The following RBFOX3 variants were observed in gnomAD, a reference collection of about 807,000 sequenced individuals.
RBFOX3 encodes RNA binding protein fox-1 homolog 3.
RBFOX3 carries 17 observed loss-of-function variants against 48.7 expected under a neutral mutation model. The observed-to-expected ratio is 0.35, with a 90% CI of 0.24 to 0.52. The LOEUF (loss-of-function observed/expected upper bound fraction) is 0.52. RBFOX3 is among the 20% of genes least tolerant of loss of function. RBFOX3 has a pLI of 0.94. For synonymous variants in RBFOX3, 212 were observed against 209.5 expected, an observed-to-expected ratio of 1.01 and a Z score of -0.10; for missense variants, 382 against 497.5, an observed-to-expected ratio of 0.77 and a Z score of 2.21.
At chr17:79,232,698 CG>C (rs965907713) in intron 4 of RBFOX3, among the ~76,000 whole-genome samples, 1 of 128,212 alleles carries the variant, frequency 7.8e-6, no homozygotes, top group African/African-American at 2.6e-5. Context: ...AAAGCATAGG[CG>C]AAAAAAAATC....
chr17:79,613,765 G>A (rs2145594030), upstream of RBFOX3, among the ~76,000 whole-genome samples: 1 of 152,320 alleles, frequency 6.6e-6, no homozygotes, highest in Admixed American at 6.5e-5. Context: ...CCTGAGGTCA[G>A]GAGTTCGAGA....
At chr17:79,553,877 C>T (rs1054425677) in intron 1 of RBFOX3, among the ~76,000 whole-genome samples, 4 of 152,074 alleles carry the variant, frequency 2.6e-5, no homozygotes, top group Non-Finnish European at 5.9e-5. Flanking sequence ...GGATTATAGG[C>T]ACCCACCACC....
chr17:79,567,180 CTTTTTTTTTTTT>C (rs1159762873), intron 1 of RBFOX3, among the ~76,000 whole-genome samples: 1 of 92,076 alleles, frequency 1.1e-5, no homozygotes, highest in Non-Finnish European at 2.0e-5. Flanking sequence ...TTCTTTCTTT[CTTTTTTTTTTTT>C]TTTTTTTTTG....
At position 79,101,772 on chromosome 17, in the gene RBFOX3, T is replaced by C. The variant is rs193123930; in HGVS notation, c.508-128A>G. 811 of 825,258 alleles carry C rather than the reference T, an allele frequency of 9.8e-4. 1 individual carries two copies. The highest frequency in any genetic ancestry group is 1.4e-3 in the Non-Finnish European group (685 of 499,830). 51.1% of individuals were successfully genotyped at this position (825,258 alleles called of 1,614,324 possible). Reference sequence around the variant, plus strand: ...CCGCCCCAGCCTCCTCTCTCCACCATGCTGCCTGCCCTCCGGGAGCCTTGG... The same window carrying C: ...CCGCCCCAGCCTCCTCTCTCCACCACGCTGCCTGCCCTCCGGGAGCCTTGG... On this transcript the variant is annotated intron_variant, in intron 8 of 14. Transcript: ENST00000693108.
chr17:79,468,767 G>GGATA (rs1179822915), intron 2 of RBFOX3, among the ~76,000 whole-genome samples: 21 of 149,836 alleles, frequency 1.4e-4, no homozygotes, highest in South Asian at 2.1e-4. Context: ...ATGGATGGAT[G>GGATA]GATAGATAGA....
chr17:79,136,800 C>G (rs2040313264), intron 4 of RBFOX3, among the ~76,000 whole-genome samples: 1 of 152,200 alleles, frequency 6.6e-6, no homozygotes, highest in Admixed American at 6.5e-5. Flanking sequence ...GCCTGCTCTG[C>G]TCCCATCAAT....
chr17:79,524,721 C>T (rs1271542627), intron 1 of RBFOX3, among the ~76,000 whole-genome samples: 6 of 152,226 alleles, frequency 3.9e-5, no homozygotes, highest in Non-Finnish European at 7.3e-5. Flanking sequence ...GGCACTGCAT[C>T]TTCCAGCACA....
chr17:79,091,316 A>C (rs943776545), intron 14 of RBFOX3, among the ~76,000 whole-genome samples: 1 of 152,236 alleles, frequency 6.6e-6, no homozygotes, highest in Non-Finnish European at 1.5e-5. Flanking sequence ...TTCCAGCCCC[A>C]GGAGCCCAGC....
At chr17:79,229,394 T>A (rs887818587) in intron 4 of RBFOX3, among the ~76,000 whole-genome samples, 2 of 146,278 alleles carry the variant, frequency 1.4e-5, no homozygotes, top group African/African-American at 4.9e-5. Context: ...CCATCTCTAC[T>A]AAAAATACAA....
At chr17:79,502,097 A>C (rs2082454089) in intron 1 of RBFOX3, among the ~76,000 whole-genome samples, 3 of 151,846 alleles carry the variant, frequency 2.0e-5, no homozygotes, top group Non-Finnish European at 2.9e-5. Flanking sequence ...GCCTTGATAT[A>C]AGCCTCAATG....
intron 3 of RBFOX3, among the ~76,000 whole-genome samples, chr17:79,267,894 G>A (rs1398836770): frequency 6.6e-6 from 1 of 152,190 alleles, no homozygotes; most frequent in African/African-American, 2.4e-5. Flanking sequence ...GAAAAGGACG[G>A]GAAGGAGGTG....
At chr17:79,409,727 G>A (rs1368484140) in intron 2 of RBFOX3, among the ~76,000 whole-genome samples, 2 of 152,186 alleles carry the variant, frequency 1.3e-5, no homozygotes, top group East Asian at 1.9e-4. Flanking sequence ...TGGGGTCCCC[G>A]TATTCCCACA....
At chr17:79,414,382 A>C (rs1016029173) in intron 2 of RBFOX3, among the ~76,000 whole-genome samples, 1 of 152,204 alleles carries the variant, frequency 6.6e-6, no homozygotes, top group Non-Finnish European at 1.5e-5. Flanking sequence ...CTTTTTAATT[A>C]TGAATAATTT....
chr17:79,199,927 G>C lies in RBFOX3; in HGVS notation c.-34+35839C>G, dbSNP rs372424269. On this transcript the variant is annotated intron_variant, in intron 4 of 14. Coordinates refer to ENST00000693108, the MANE Select transcript of RBFOX3 (RefSeq NM_001350451.2). The surrounding 1 kb of genome is among the most constrained non-coding windows in gnomAD (Gnocchi z 5.1). ...TGTAATCCCAGCACTTTGGGAGGCC[G>C]AGGTGGGTGGATCACCTGAAGTCAG... Among the ~76,000 whole-genome samples, 11 of 152,300 alleles carry C rather than the reference G, an allele frequency of 7.2e-5. No individual in the cohort carries two copies. Among genetic ancestry groups the C allele is most frequent in the Admixed American group, 1.3e-4 (2 of 15,300 alleles).
In RBFOX3 at chr17:79,481,538, A is replaced by C. The variant is rs2078776696; in HGVS notation, c.-175+916T>G. Among the ~76,000 whole-genome samples the C allele has an allele frequency of 6.6e-6, 1 of 152,036 alleles. No individual in the cohort carries two copies. The highest frequency in any genetic ancestry group is 1.5e-5 in the Non-Finnish European group (1 of 67,990). ...CTCACAGGGACCCGTAGGAAGCTTC[A>C]AGTGTGAGGCTGGCCGTGCACGTGA... On this transcript the variant is annotated intron_variant, in intron 2 of 14. Transcript: ENST00000693108. The surrounding 1 kb of genome is among the most constrained non-coding windows in gnomAD (Gnocchi z 5.4).
chr17:79,374,510 TAA>T (rs1469123133), intron 2 of RBFOX3, among the ~76,000 whole-genome samples: 1 of 152,198 alleles, frequency 6.6e-6, no homozygotes, highest in African/African-American at 2.4e-5. Context: ...GGGCAGCAAA[TAA>T]AACCTGGAAG....
chr17:79,589,065 T>C (rs1321834340), intron 1 of RBFOX3, among the ~76,000 whole-genome samples: 1 of 152,154 alleles, frequency 6.6e-6, no homozygotes, highest in African/African-American at 2.4e-5. Context: ...TGAGACCCCG[T>C]CCTGAGCTTG....
intron 2 of RBFOX3, among the ~76,000 whole-genome samples, chr17:79,357,758 T>C (rs756022918): frequency 2.0e-5 from 3 of 151,724 alleles, no homozygotes; most frequent in Non-Finnish European, 4.4e-5. Flanking sequence ...GTGCGTTTGT[T>C]GAATTTGTAA....
rs868336691 is a variant in RBFOX3 at position 79,094,692 on chromosome 17, C to G, written c.999-163G>C. Among the ~76,000 whole-genome samples, 6 of 151,646 alleles carry G rather than the reference C, an allele frequency of 4.0e-5. No individual in the cohort carries two copies. In the South Asian group the frequency reaches 1.3e-3, roughly 32 times the overall value. On this transcript the variant is annotated intron_variant, in intron 13 of 14. Coordinates refer to ENST00000693108, the MANE Select transcript of RBFOX3 (RefSeq NM_001350451.2). ...CTCCTGCAAGGCCTGCAAGGCCTACCCCTCCTTCTTGTTAAGAAGGAAGCT... is the reference window on the plus strand; with the variant it reads ...CTCCTGCAAGGCCTGCAAGGCCTACGCCTCCTTCTTGTTAAGAAGGAAGCT...
Sources: gnomAD v4.1 joint callset for allele counts (sites outside exome capture counted in the v4.1 genomes callset) on GRCh38, gnomAD v4.1.1 for gene constraint, Gnocchi (gnomAD v3.1) non-coding constraint, MANE v1.5 for transcripts, NCBI Gene and HGNC (gene_info 2026-07-23, HGNC 2026-07-21) for gene names.